The following FANCC variants were observed in gnomAD, a reference collection of about 807,000 sequenced individuals.
The protein encoded by FANCC is FA complementation group C.
A neutral mutation model predicts 71.3 loss-of-function variants in FANCC; 55 were observed. That is an observed-to-expected ratio of 0.77 (90% CI 0.62 to 0.97). The LOEUF (loss-of-function observed/expected upper bound fraction) is 0.97. FANCC is among the 50% of genes least tolerant of loss of function. The probability of loss-of-function intolerance (pLI) is 0.00; values close to 1 mark genes in which losing one functional copy is unlikely to be tolerated. For missense variants in FANCC, 678 were observed against 670.9 expected (o/e 1.01, Z -0.12); for synonymous variants, 275 against 244.9 (o/e 1.12, Z -1.15).
At chr9:95,111,988 G>A (rs2071978012) in intron 12 of FANCC, among the ~76,000 whole-genome samples, 1 of 152,228 alleles carries the variant, frequency 6.6e-6, no homozygotes, top group Non-Finnish European at 1.5e-5. Context: ...TGCCTTCTGA[G>A]ATGGGGAGAA....
intron 2 of FANCC, among the ~76,000 whole-genome samples, chr9:95,248,716 A>G (rs1025084033): frequency 2.0e-5 from 3 of 151,990 alleles, no homozygotes; most frequent in African/African-American, 7.2e-5. Context: ...ATATTTATAA[A>G]AAGTATTATA....
At chr9:95,125,771 T>C (rs1825885571) in intron 9 of FANCC, among the ~76,000 whole-genome samples, 1 of 152,202 alleles carries the variant, frequency 6.6e-6, no homozygotes, top group Non-Finnish European at 1.5e-5. Context: ...AAGTCTGCAG[T>C]CTGCCCTGCA....
At chr9:95,301,538 C>T (rs951579781) in intron 1 of FANCC, among the ~76,000 whole-genome samples, 3 of 151,910 alleles carry the variant, frequency 2.0e-5, no homozygotes, top group Non-Finnish European at 2.9e-5. Context: ...AGCGATCCTC[C>T]CACCTCAGCC....
intron 1 of FANCC, among the ~76,000 whole-genome samples, chr9:95,295,484 T>C (rs1046153965): frequency 3.3e-5 from 5 of 152,220 alleles, no homozygotes; most frequent in African/African-American, 4.8e-5. Flanking sequence ...CTAGCAGTTA[T>C]TTGAAACAAT....
intron 1 of FANCC, among the ~76,000 whole-genome samples, chr9:95,272,826 A>G (rs1832818116): frequency 6.6e-6 from 1 of 152,218 alleles, no homozygotes; most frequent in South Asian, 2.1e-4. Flanking sequence ...TATTTCATCT[A>G]TAGCAAATGC....
In FANCC at chr9:95,145,312, C is replaced by T. The variant is rs911422651; in HGVS notation, c.686+4611G>A. ...CATTGAAAACACAAATACAACAAAA[C>T]ATTAGGAACAAGAAATGTGTAAATC... On this transcript the variant is annotated intron_variant, in intron 7 of 14. Coordinates refer to ENST00000289081, the MANE Select transcript of FANCC (RefSeq NM_000136.3). The T allele has an allele frequency of 4.6e-5, 7 of 152,116 alleles. No homozygotes were observed. In the East Asian group the frequency reaches 1.2e-3, roughly 25 times the overall value. The allele number at this position is 152,116 out of a possible 1,614,324, so 9.4% of individuals were successfully genotyped here.
Position 95,247,929 on chromosome 9 carries a change from G to A in FANCC, c.166-413C>T, listed in dbSNP as rs4647417. On this transcript the variant is annotated intron_variant, in intron 2 of 14. Coordinates refer to ENST00000289081, the MANE Select transcript of FANCC (RefSeq NM_000136.3). Reference sequence around the variant, plus strand: ...TTTATTCTAACATAAGAGAGGTTACGAACTCAGCTCCAGTAAGACTATTTC... The same window carrying A: ...TTTATTCTAACATAAGAGAGGTTACAAACTCAGCTCCAGTAAGACTATTTC... Among the ~76,000 whole-genome samples the A allele has an allele frequency of 5.8e-3, 888 of 152,164 alleles. 40 individuals carry two copies. The highest frequency in any genetic ancestry group is 0.054 in the Admixed American group (819 of 15,290).
At chr9:95,180,923 A>G (rs553662819) in intron 4 of FANCC, among the ~76,000 whole-genome samples, 3 of 152,254 alleles carry the variant, frequency 2.0e-5, no homozygotes, top group Admixed American at 2.0e-4. Flanking sequence ...CCACTATTGT[A>G]CATGCAGGCT....
intron 1 of FANCC, among the ~76,000 whole-genome samples, chr9:95,259,526 T>C (rs1347357774): frequency 1.3e-5 from 2 of 152,172 alleles, no homozygotes; most frequent in African/African-American, 4.8e-5. Context: ...CCTTACACCT[T>C]ATACAAAAAT....
intron 4 of FANCC, among the ~76,000 whole-genome samples, chr9:95,175,174 C>G (rs1383598363): frequency 1.3e-5 from 2 of 152,160 alleles, no homozygotes; most frequent in Non-Finnish European, 2.9e-5. Context: ...GGCAACACTC[C>G]TAAGTCATGT....
chr9:95,250,986 T>C (rs1054969991), intron 1 of FANCC, among the ~76,000 whole-genome samples: 9 of 152,216 alleles, frequency 5.9e-5, no homozygotes, highest in Non-Finnish European at 1.3e-4. Context: ...CTGCAAAACA[T>C]GGCTCCAGCA....
At chr9:95,198,561 C>G (rs1251175969) in intron 4 of FANCC, among the ~76,000 whole-genome samples, 1 of 152,178 alleles carries the variant, frequency 6.6e-6, no homozygotes, top group Non-Finnish European at 1.5e-5. Flanking sequence ...TTTGGAAAAT[C>G]ACCTCCTGGA....
At chr9:95,113,842 T>TC (rs2072168375) in intron 12 of FANCC, 1 of 152,416 alleles carries the variant, frequency 6.6e-6, no homozygotes, top group Admixed American at 6.5e-5. Context: ...CAGGATGGTC[T>TC]CGATCTCCTG....
chr9:95,214,464 A>G (rs1330557849), intron 4 of FANCC, among the ~76,000 whole-genome samples: 2 of 152,088 alleles, frequency 1.3e-5, no homozygotes, highest in African/African-American at 4.8e-5. Flanking sequence ...AAAATTAAAA[A>G]TAGAATTACC....
chr9:95,273,659 TG>T (rs1832863929), intron 1 of FANCC, among the ~76,000 whole-genome samples: 2 of 152,190 alleles, frequency 1.3e-5, no homozygotes, highest in Admixed American at 1.3e-4. Flanking sequence ...GTTCAGAAGG[TG>T]GTCACAATTC....
intron 14 of FANCC, among the ~76,000 whole-genome samples, chr9:95,102,905 C>T (rs897861251): frequency 1.3e-5 from 2 of 152,240 alleles, no homozygotes; most frequent in African/African-American, 4.8e-5. Context: ...CTGCAGCCGG[C>T]CTGCAACGAG....
intron 4 of FANCC, among the ~76,000 whole-genome samples, chr9:95,192,805 T>C (rs1461472503): frequency 6.6e-6 from 1 of 152,194 alleles, no homozygotes; most frequent in Non-Finnish European, 1.5e-5. Context: ...TCCTATACGG[T>C]TTCATTTCCT....
At chr9:95,298,460 G>C (rs559283830) in intron 1 of FANCC, among the ~76,000 whole-genome samples, 1 of 152,268 alleles carries the variant, frequency 6.6e-6, no homozygotes, top group South Asian at 2.1e-4. Flanking sequence ...CTGAGCTGAA[G>C]ACATAGATGT....
intron 4 of FANCC, among the ~76,000 whole-genome samples, chr9:95,210,774 C>T (rs957250316): frequency 2.2e-4 from 33 of 151,986 alleles, no homozygotes; most frequent in Admixed American, 2.2e-3. Context: ...GATCTAGATG[C>T]CCAACAATTT....
Sources: allele counts gnomAD v4.1 joint callset (sites outside exome capture counted in the v4.1 genomes callset), GRCh38; gene constraint gnomAD v4.1.1; transcripts MANE v1.5; gene names NCBI Gene and HGNC (gene_info 2026-07-23, HGNC 2026-07-21).